The following ODAD2 variants were observed in gnomAD, a reference collection of about 807,000 sequenced individuals.
ODAD2 encodes the protein outer dynein arm-docking complex subunit 2.
A neutral mutation model predicts 106.8 loss-of-function variants in ODAD2; 89 were observed. That is an observed-to-expected ratio of 0.83 (90% CI 0.70 to 0.99). The LOEUF is 0.99. Ranked by LOEUF, ODAD2 falls within the 50% of genes least tolerant of loss-of-function variation. ODAD2 has a pLI of 0.00. For synonymous variants in ODAD2, 404 were observed against 436.2 expected (o/e 0.93, Z 0.92); for missense variants, 1,168 against 1,238.5 (o/e 0.94, Z 0.85).
At chr10:27,885,121 CTGTCT>C (rs1170792282) in intron 17 of ODAD2, among the ~76,000 whole-genome samples, 1 of 151,946 alleles carries the variant, frequency 6.6e-6, no homozygotes. Flanking sequence ...GTTAAAACAA[CTGTCT>C]TAAGTATATT....
Position 27,845,659 on chromosome 10 carries a change from G to A in ODAD2, c.3021+14966C>T, listed in dbSNP as rs937686845. The stretch of plus-strand genomic sequence containing the variant: ...ATGAAGAGTCAGGACCCATTAGTGT[G>A]CTGTATTCGGGAGACCCATCTCATG... On this transcript the variant is annotated intron_variant, in intron 19 of 19. Coordinates refer to ENST00000305242, the MANE Select transcript of ODAD2 (RefSeq NM_018076.5). Among the ~76,000 whole-genome samples, 24 of 152,294 alleles carry A rather than the reference G, an allele frequency of 1.6e-4. 3 individuals carry two copies. The South Asian group carries it at 4.1e-3, about 26-fold the overall frequency.
rs1849544470 is a variant in ODAD2, at chr10:27,981,535, T to A, written c.867A>T (p.Ser289=). 2 of 1,539,514 alleles carry A rather than the reference T, an allele frequency of 1.3e-6. No individual in the cohort carries two copies. The highest frequency in any genetic ancestry group is 1.7e-6 in the Non-Finnish European group (2 of 1,156,562). Residue 289 remains serine, a synonymous_variant, in exon 7 of 20, where the codon TCA becomes TCT. Transcript: ENST00000305242. ...AAAATGTGACAAGGTTTTTATAAAT[T>A]GAACCTTTTCTCTCATAATTAACGT... The part of the protein sequence containing the change: ...EGDVNYERKG[S]IYKNLVTFLR...
chr10:27,995,821 C>T (rs1406083048), intron 1 of ODAD2: 2 of 152,164 alleles, frequency 1.3e-5, no homozygotes, highest in Non-Finnish European at 2.9e-5. Flanking sequence ...ACCAGAATAT[C>T]TGGACAATCC....
intron 19 of ODAD2, among the ~76,000 whole-genome samples, chr10:27,849,062 A>G (rs1839036198): frequency 6.6e-6 from 1 of 152,226 alleles, no homozygotes; most frequent in Non-Finnish European, 1.5e-5. Flanking sequence ...GTATATACCC[A>G]AAGGATTATA....
At chr10:27,893,979 A>G (rs527767974) in intron 17 of ODAD2, among the ~76,000 whole-genome samples, 90 of 152,080 alleles carry the variant, frequency 5.9e-4, no homozygotes, top group African/African-American at 2.1e-3. Flanking sequence ...GCAAGACCCT[A>G]TCTTGATCTG....
chr10:27,861,183 G>T (rs1464267023), intron 18 of ODAD2, among the ~76,000 whole-genome samples: 3 of 152,074 alleles, frequency 2.0e-5, no homozygotes, highest in Non-Finnish European at 4.4e-5. Flanking sequence ...GTAGAGAAGG[G>T]GTTTCACCAT....
At chr10:27,947,016 C>T (rs1456486457) in intron 10 of ODAD2, among the ~76,000 whole-genome samples, 2 of 152,166 alleles carry the variant, frequency 1.3e-5, no homozygotes, top group Admixed American at 1.3e-4. Context: ...GGCTGTCCTC[C>T]ACATTCATGA....
chr10:27,918,595 C>A (rs761074459), intron 16 of ODAD2, among the ~76,000 whole-genome samples: 60 of 151,986 alleles, frequency 3.9e-4, no homozygotes, highest in Non-Finnish European at 6.9e-4. Context: ...TAACATCACA[C>A]TTAATGGTGA....
At chr10:27,850,327 C>T (rs866821592) in intron 19 of ODAD2, among the ~76,000 whole-genome samples, 5 of 151,648 alleles carry the variant, frequency 3.3e-5, no homozygotes, top group African/African-American at 1.2e-4. Flanking sequence ...CGCCTGTAGT[C>T]GCAGCTACTC....
At chr10:27,938,748 T>A (rs912090673) in intron 14 of ODAD2, among the ~76,000 whole-genome samples, 3 of 151,930 alleles carry the variant, frequency 2.0e-5, no homozygotes, top group African/African-American at 7.3e-5. Flanking sequence ...TACAGGCACA[T>A]GCAACCACAC....
chr10:27,965,223 G>A (rs1359640805), intron 9 of ODAD2, among the ~76,000 whole-genome samples: 1 of 152,190 alleles, frequency 6.6e-6, no homozygotes, highest in Non-Finnish European at 1.5e-5. Flanking sequence ...AGCCTCATAG[G>A]AAAGGAGGTC....
chr10:27,847,410 G>A (rs1000122536), intron 19 of ODAD2, among the ~76,000 whole-genome samples: 7 of 152,216 alleles, frequency 4.6e-5, no homozygotes, highest in South Asian at 2.1e-4. Flanking sequence ...ATTAGGTATC[G>A]ATGGGACGTA....
At chr10:27,959,199 GA>G (rs1847938976) in intron 10 of ODAD2, among the ~76,000 whole-genome samples, 1 of 55,972 alleles carries the variant, frequency 1.8e-5, no homozygotes, top group Non-Finnish European at 3.7e-5. Flanking sequence ...GAGAGGAGGG[GA>G]GGGGAGGGGA....
chr10:27,840,790 C>T (rs1280317668), intron 19 of ODAD2, among the ~76,000 whole-genome samples: 1 of 152,184 alleles, frequency 6.6e-6, no homozygotes, highest in Non-Finnish European at 1.5e-5. Context: ...TAGGGCTCTG[C>T]TGCTTTCTTG....
chr10:27,940,790 A>G lies in ODAD2; in HGVS notation c.1759T>C (p.Cys587Arg). ...GCAGGTTTTGTGGAATCATGTGCACAGTCTAGTAGAGCAACCTATAATAAT... is the reference window on the plus strand; with the variant it reads ...GCAGGTTTTGTGGAATCATGTGCACGGTCTAGTAGAGCAACCTATAATAAT... ...GITKLVALLD[C>R]AHDSTKPAQS... The change falls in exon 13 of 20, where the codon TGT (cysteine) becomes CGT (arginine). Residue 587 changes from cysteine to arginine, a missense_variant. By Grantham distance (180) the Cys-to-Arg change is radical. Coordinates refer to ENST00000305242, the MANE Select transcript of ODAD2 (RefSeq NM_018076.5). 6.2e-7 allele frequency: 1 copy of G among 1,613,950 alleles called. No individual in the cohort carries two copies. The highest frequency in any genetic ancestry group is 8.5e-7 in the Non-Finnish European group (1 of 1,179,892).
Position 27,935,259 on chromosome 10 carries a change from T to A in ODAD2, c.2253-7A>T. Reference sequence around the variant, plus strand: ...GGCTTTGTATTCCCGAAACCTAAGTTCATCATAAGAAAGAGGAGAATTGGT... The same window carrying A: ...GGCTTTGTATTCCCGAAACCTAAGTACATCATAAGAAAGAGGAGAATTGGT... On this transcript the variant is annotated splice_polypyrimidine_tract_variant and splice_region_variant and intron_variant, in intron 15 of 19. Coordinates refer to ENST00000305242, the MANE Select transcript of ODAD2 (RefSeq NM_018076.5). 1 of 1,613,178 alleles carries A rather than the reference T, an allele frequency of 6.2e-7. No individual in the cohort carries two copies. Among genetic ancestry groups the A allele is most frequent in the Non-Finnish European group, 8.5e-7 (1 of 1,179,358 alleles).
At chr10:27,935,341 C>T in intron 15 of ODAD2, 89 bp from the exon 16 acceptor site, 2 of 1,466,174 alleles carry the variant, frequency 1.4e-6, no homozygotes, top group South Asian at 2.5e-5. Context: ...TACAACAACC[C>T]AATGATACAG....
chr10:27,974,344 G>C (rs1484942650), intron 7 of ODAD2, among the ~76,000 whole-genome samples: 1 of 152,026 alleles, frequency 6.6e-6, no homozygotes, highest in African/African-American at 2.4e-5. Flanking sequence ...TGTCTTCCAG[G>C]GTTTTTATAG....
At chr10:27,841,388 C>A (rs1483426409) in intron 19 of ODAD2, among the ~76,000 whole-genome samples, 2 of 151,998 alleles carry the variant, frequency 1.3e-5, no homozygotes, top group Admixed American at 6.6e-5. Flanking sequence ...CTTTTCTTTC[C>A]CTTCTTTTTT....
Sources: allele counts gnomAD v4.1 joint callset (sites outside exome capture counted in the v4.1 genomes callset), GRCh38; gene constraint gnomAD v4.1.1; transcripts MANE v1.5; gene names NCBI Gene and HGNC (gene_info 2026-07-23, HGNC 2026-07-21).